LARGE1: variants seen among roughly 807,000 people sequenced by gnomAD.
LARGE1 encodes LARGE xylosyl- and glucuronyltransferase 1.
A neutral mutation model predicts 87.6 loss-of-function variants in LARGE1; 43 were observed. That is an observed-to-expected ratio of 0.49 (90% CI 0.38 to 0.63). The LOEUF is 0.63. Ranked by LOEUF, LARGE1 falls within the 30% of genes least tolerant of loss-of-function variation. The pLI is 0.00. For synonymous variants in LARGE1, 434 were observed against 394.6 expected, an observed-to-expected ratio of 1.10 and a Z score of -1.18; for missense variants, 802 against 1,000.2, an observed-to-expected ratio of 0.80 and a Z score of 2.67.
At chr22:33,920,485 C>A (rs1202785387), upstream of LARGE1, 1 of 145,488 alleles carries the variant, frequency 6.9e-6, no homozygotes, top group Non-Finnish European at 1.5e-5. Flanking sequence ...CTGGCCGGGC[C>A]GGGCGCCGAA....
intron 1 of LARGE1, among the ~76,000 whole-genome samples, chr22:33,825,917 A>G (rs1568963350): frequency 6.6e-6 from 1 of 151,998 alleles, no homozygotes; most frequent in Non-Finnish European, 1.5e-5. Flanking sequence ...CAAGGCTGGG[A>G]GACAGAAACT....
At chr22:33,186,335 T>G (rs959352042) in intron 11 of LARGE1, among the ~76,000 whole-genome samples, 4 of 152,172 alleles carry the variant, frequency 2.6e-5, no homozygotes, top group African/African-American at 9.6e-5. Context: ...AAGGTTTATC[T>G]CATGAATGCA....
chr22:33,339,968 G>C (rs1938964435), intron 9 of LARGE1, among the ~76,000 whole-genome samples: 1 of 152,132 alleles, frequency 6.6e-6, no homozygotes, highest in Non-Finnish European at 1.5e-5. Context: ...GCCTGGCCTA[G>C]AATATTTAAT....
At chr22:33,303,410 A>C (rs1347296252) in intron 12 of LARGE1, among the ~76,000 whole-genome samples, 3 of 152,130 alleles carry the variant, frequency 2.0e-5, no homozygotes, top group Non-Finnish European at 4.4e-5. Context: ...AAGGAAGGTG[A>C]TAATACTACC....
At chr22:33,265,639 G>T (rs747400718) in intron 11 of LARGE1, among the ~76,000 whole-genome samples, 97 of 152,134 alleles carry the variant, frequency 6.4e-4, no homozygotes, top group Non-Finnish European at 1.2e-3. Context: ...TCTCATGAGG[G>T]CAAGGATAGT....
At chr22:33,526,286 C>T (rs1602258272) in intron 6 of LARGE1, among the ~76,000 whole-genome samples, 1 of 152,142 alleles carries the variant, frequency 6.6e-6, no homozygotes, top group East Asian at 1.9e-4. Flanking sequence ...AGTTTCTAGT[C>T]TAATGAAGGA....
chr22:33,685,261 C>T (rs186085152), intron 2 of LARGE1, among the ~76,000 whole-genome samples: 1 of 152,152 alleles, frequency 6.6e-6, no homozygotes, highest in Non-Finnish European at 1.5e-5. Context: ...CAAAAGAAAT[C>T]CCAGCCATCC....
intron 11 of LARGE1, among the ~76,000 whole-genome samples, chr22:33,183,601 AACAC>A (rs779274464): frequency 3.1e-4 from 32 of 104,206 alleles, no homozygotes; most frequent in Non-Finnish European, 6.4e-4. Context: ...TGATGGATAA[AACAC>A]ACACACACAC....
intron 12 of LARGE1, among the ~76,000 whole-genome samples, chr22:33,298,534 C>A (rs1049303679): frequency 1.3e-5 from 2 of 152,156 alleles, no homozygotes; most frequent in South Asian, 2.1e-4. Context: ...AAAGAGTACT[C>A]AGCATCAGTC....
intron 5 of LARGE1, among the ~76,000 whole-genome samples, chr22:33,589,788 A>C (rs2148911863): frequency 6.6e-6 from 1 of 152,336 alleles, no homozygotes; most frequent in Non-Finnish European, 1.5e-5. Context: ...ATACCAAAAC[A>C]GACTATAATT....
chr22:33,772,311 C>A lies in LARGE1; in HGVS notation c.-82-10753G>T, dbSNP rs548464382. On this transcript the variant is annotated intron_variant, in intron 1 of 14. Coordinates refer to ENST00000397394, the MANE Select transcript of LARGE1 (RefSeq NM_133642.5). ...TCACGCCACTACACTCCAGCCTGGG[C>A]AACAGAGCGAGACTCTGCCTCAAAA... 2.0e-5 allele frequency among the ~76,000 whole-genome samples: 3 copies of A among 149,954 alleles called. No individual in the cohort carries two copies. In the South Asian group the frequency reaches 6.3e-4, roughly 32 times the overall value.
the LARGE1 span, among the ~76,000 whole-genome samples, chr22:33,067,959 G>A: frequency 2.0e-5 from 3 of 151,276 alleles, no homozygotes; most frequent in Non-Finnish European, 4.4e-5. Flanking sequence ...CAGCCCGGGC[G>A]ACAATGCGAG....
intron 1 of LARGE1, among the ~76,000 whole-genome samples, chr22:33,876,029 G>C (rs1354972774): frequency 6.6e-6 from 1 of 152,212 alleles, no homozygotes; most frequent in Non-Finnish European, 1.5e-5. Flanking sequence ...TGGGATTTTA[G>C]AACAAAACGT....
chr22:33,201,162 A>G (rs554213410), intron 11 of LARGE1, among the ~76,000 whole-genome samples: 7 of 151,982 alleles, frequency 4.6e-5, no homozygotes, highest in African/African-American at 1.7e-4. Flanking sequence ...TACAAAATTA[A>G]CCTGGCATAG....
intron 6 of LARGE1, among the ~76,000 whole-genome samples, chr22:33,492,819 AG>A (rs566940901): frequency 1.5e-4 from 23 of 152,334 alleles, no homozygotes; most frequent in Admixed American, 1.5e-3. Context: ...TTCATATGAA[AG>A]GACGTCCTGT....
chr22:33,836,169 G>T (rs2063103311), intron 1 of LARGE1, among the ~76,000 whole-genome samples: 1 of 152,174 alleles, frequency 6.6e-6, no homozygotes, highest in Non-Finnish European at 1.5e-5. Flanking sequence ...TGATGGAAAG[G>T]AAAGACAGTG....
Position 33,360,336 on chromosome 22 carries a change from T to C in LARGE1, c.1131+21583A>G, listed in dbSNP as rs547327282. 2.9e-4 allele frequency among the ~76,000 whole-genome samples: 43 copies of C among 149,014 alleles called. 2 individuals are homozygous for C. The highest frequency in any genetic ancestry group is 8.9e-4 in the African/African-American group (36 of 40,526). ...TCCAAAAACAAAAACAAAAAAACCC[T>C]GAGGGCTGGTAATTTATAAAGAGGT... On this transcript the variant is annotated intron_variant, in intron 9 of 14. Transcript: ENST00000397394.
chr22:33,490,940 T>C (rs1237004989), intron 6 of LARGE1, among the ~76,000 whole-genome samples: 1 of 152,184 alleles, frequency 6.6e-6, no homozygotes, highest in Non-Finnish European at 1.5e-5. Context: ...GTTTTTCTCT[T>C]TATTGTTGCC....
chr22:33,297,758 T>A (rs1049423818), intron 12 of LARGE1, among the ~76,000 whole-genome samples: 1 of 151,832 alleles, frequency 6.6e-6, no homozygotes, highest in African/African-American at 2.4e-5. Flanking sequence ...GGTGGGCGGA[T>A]CACCTGAGGT....
Sources: gnomAD v4.1 joint callset for allele counts (sites outside exome capture counted in the v4.1 genomes callset) on GRCh38, gnomAD v4.1.1 for gene constraint, MANE v1.5 for transcripts, NCBI Gene and HGNC (gene_info 2026-07-23, HGNC 2026-07-21) for gene names.